The following MTSS1 variants were observed in gnomAD, a reference collection of about 807,000 sequenced individuals.
The protein encoded by MTSS1 is protein MTSS 1.
MTSS1 carries 18 observed loss-of-function variants against 79.0 expected under a neutral mutation model. That is an observed-to-expected ratio of 0.23 (90% CI 0.16 to 0.34). The LOEUF (loss-of-function observed/expected upper bound fraction) is 0.34, where lower values mean the gene tolerates loss of function less well. Among genes scored for constraint, MTSS1 ranks in the 10% least tolerant of loss-of-function variants. MTSS1 has a pLI of 1.00. For synonymous variants in MTSS1, 341 were observed against 368.6 expected (o/e 0.93, Z 0.86); for missense variants, 815 against 986.2 (o/e 0.83, Z 2.33).
intron 8 of MTSS1, 76 bp downstream of exon 8, chr8:124,566,995 G>T: frequency 8.9e-7 from 1 of 1,118,216 alleles, no homozygotes; most frequent in Non-Finnish European, 1.3e-6. Context: ...CGTGACACAT[G>T]CCACAGGAAC....
chr8:124,558,439 C>T (rs1402351587), intron 10 of MTSS1, among the ~76,000 whole-genome samples: 4 of 152,116 alleles, frequency 2.6e-5, no homozygotes, highest in Admixed American at 2.6e-4. Context: ...GATGGACAGG[C>T]ACGCAACACC....
chr8:124,707,588 A>C (rs1012668189), intron 1 of MTSS1, among the ~76,000 whole-genome samples: 4 of 152,112 alleles, frequency 2.6e-5, no homozygotes, highest in African/African-American at 9.7e-5. Flanking sequence ...AGGCACCTGT[A>C]ATCCCAGCTA....
At position 124,727,095 on chromosome 8, in the gene MTSS1, C is replaced by G. The variant is rs1833823408; in HGVS notation, c.72+789G>C. On this transcript the variant is annotated intron_variant, in intron 1 of 13. Transcript: ENST00000518547. The surrounding 1 kb of genome is among the most constrained non-coding windows in gnomAD (Gnocchi z 4.7). ...TGTTCCCCGCCCCCACGCGCGCGCG[C>G]GCACACACACATGCACGCGCGCACA... is the stretch of plus-strand genomic sequence containing the variant. Among the ~76,000 whole-genome samples, 1 of 151,932 alleles carries G rather than the reference C, an allele frequency of 6.6e-6. No homozygotes were observed. Among genetic ancestry groups the G allele is most frequent in the Non-Finnish European group, 1.5e-5 (1 of 67,932 alleles).
intron 5 of MTSS1, among the ~76,000 whole-genome samples, chr8:124,585,698 A>C (rs1323193958): frequency 6.6e-6 from 1 of 152,160 alleles, no homozygotes; most frequent in East Asian, 1.9e-4. Flanking sequence ...ATGAGCCACC[A>C]TGCCTGGCGG....
chr8:124,594,646 G>A (rs559502324), intron 3 of MTSS1, among the ~76,000 whole-genome samples: 2 of 152,210 alleles, frequency 1.3e-5, no homozygotes, highest in African/African-American at 2.4e-5. Context: ...GGAAGCCCTA[G>A]AGAGGAGAGG....
chr8:124,689,012 C>A (rs1827495675), intron 3 of MTSS1, among the ~76,000 whole-genome samples: 1 of 151,576 alleles, frequency 6.6e-6, no homozygotes, highest in Non-Finnish European at 1.5e-5. Context: ...CCAAGTAGTT[C>A]TCACTTTAAG....
At chr8:124,606,177 T>TG (rs1285866064) in intron 3 of MTSS1, among the ~76,000 whole-genome samples, 15 of 148,404 alleles carry the variant, frequency 1.0e-4, no homozygotes, top group Admixed American at 2.0e-4. Flanking sequence ...TTTTGTTTTT[T>TG]TTTTTTTTTT....
chr8:124,561,065 T>C (rs1429849976), intron 10 of MTSS1, among the ~76,000 whole-genome samples: 1 of 152,226 alleles, frequency 6.6e-6, no homozygotes, highest in Non-Finnish European at 1.5e-5. Flanking sequence ...CTTATAATAA[T>C]AAGCAGTCGT....
At chr8:124,665,789 C>A (rs1459273775) in intron 3 of MTSS1, among the ~76,000 whole-genome samples, 1 of 151,886 alleles carries the variant, frequency 6.6e-6, no homozygotes, top group African/African-American at 2.4e-5. Context: ...ATCACTTGAA[C>A]CCCGGAGGCG....
chr8:124,611,408 T>C (rs528274105), intron 3 of MTSS1, among the ~76,000 whole-genome samples: 3 of 152,252 alleles, frequency 2.0e-5, no homozygotes, highest in African/African-American at 7.2e-5. Context: ...GGAGGAGACT[T>C]TCAGGCCCAG....
rs186358745 is a variant in MTSS1, at chr8:124,718,692, T to G, written c.72+9192A>C. On this transcript the variant is annotated intron_variant, in intron 1 of 13. Transcript: ENST00000518547. ...TCCCTGAGCTCTCCCAGCCTCCTTCTGCAAATATCTGCCCGCTTCCTGCTC... is the reference window on the plus strand; with the variant it reads ...TCCCTGAGCTCTCCCAGCCTCCTTCGGCAAATATCTGCCCGCTTCCTGCTC... Among the ~76,000 whole-genome samples the G allele has an allele frequency of 2.2e-3, 332 of 152,310 alleles. 2 individuals are homozygous for G. The highest frequency in any genetic ancestry group is 6.6e-3 in the African/African-American group (274 of 41,576).
chr8:124,701,256 AAAAGAAAG>A (rs1425307244), intron 2 of MTSS1, among the ~76,000 whole-genome samples: 1 of 152,160 alleles, frequency 6.6e-6, no homozygotes, highest in Non-Finnish European at 1.5e-5. Context: ...GAGAAAAGAA[AAAAGAAAG>A]AAAAAGGGAA....
chr8:124,651,368 TACACAGCAC>T (rs111917685), intron 3 of MTSS1, among the ~76,000 whole-genome samples: 6,880 of 151,896 alleles, frequency 0.045, 491 homozygotes, highest in African/African-American at 0.16. Context: ...TGCTTTGACA[TACACAGCAC>T]ACACAGCACA....
intron 3 of MTSS1, among the ~76,000 whole-genome samples, chr8:124,603,392 G>A (rs1377696450): frequency 6.6e-6 from 1 of 152,214 alleles, no homozygotes; most frequent in Non-Finnish European, 1.5e-5. Flanking sequence ...CACGCTTGCT[G>A]CTGTTTCTCT....
chr8:124,606,653 G>T (rs1395605215), intron 3 of MTSS1, among the ~76,000 whole-genome samples: 1 of 152,046 alleles, frequency 6.6e-6, no homozygotes, highest in Admixed American at 6.6e-5. Flanking sequence ...AGGGAATTAG[G>T]TTTTCTTCCC....
At chr8:124,611,626 A>G (rs994892982) in intron 3 of MTSS1, among the ~76,000 whole-genome samples, 1 of 152,204 alleles carries the variant, frequency 6.6e-6, no homozygotes, top group Non-Finnish European at 1.5e-5. Context: ...TACCATCGGC[A>G]TCTTTCAGTA....
intron 1 of MTSS1, among the ~76,000 whole-genome samples, chr8:124,711,732 C>T (rs552339428): frequency 1.3e-5 from 2 of 152,104 alleles, no homozygotes; most frequent in African/African-American, 4.8e-5. Context: ...CGAGGCTGGG[C>T]GCAGTGCCTC....
chr8:124,671,044 TC>T (rs1824083303), intron 3 of MTSS1, among the ~76,000 whole-genome samples: 2 of 81,604 alleles, frequency 2.5e-5, no homozygotes, highest in South Asian at 2.9e-4. Context: ...TTTTCTTTTT[TC>T]TTTTTCTTTT....
In MTSS1 at chr8:124,597,868, T is replaced by C. The variant is rs1833037661; in HGVS notation, c.209-6633A>G. Among the ~76,000 whole-genome samples, 1 of 152,158 alleles carries C rather than the reference T, an allele frequency of 6.6e-6. No individual in the cohort carries two copies. Among genetic ancestry groups the C allele is most frequent in the Non-Finnish European group, 1.5e-5 (1 of 68,024 alleles). On this transcript the variant is annotated intron_variant, in intron 3 of 13. Transcript: ENST00000518547. This position sits in a 1 kb window ranked among gnomAD's most constrained non-coding sequence, Gnocchi z 4.6. Reference sequence around the variant, plus strand: ...ACAGAACCAGAGGAGAGGAGAACGCTCTCAGGCATCTCTGCAGGAGAGGGG... The same window carrying C: ...ACAGAACCAGAGGAGAGGAGAACGCCCTCAGGCATCTCTGCAGGAGAGGGG...
Sources: gnomAD v4.1 joint callset for allele counts (sites outside exome capture counted in the v4.1 genomes callset) on GRCh38, gnomAD v4.1.1 for gene constraint, Gnocchi (gnomAD v3.1) non-coding constraint, MANE v1.5 for transcripts, NCBI Gene and HGNC (gene_info 2026-07-23, HGNC 2026-07-21) for gene names.